Variants in XKR6 observed in about 807,000 individuals in gnomAD.
The protein encoded by XKR6 is XK-related protein 6.
In XKR6, 22 loss-of-function variants were observed where a neutral mutation model predicts 56.7. The ratio of observed to expected loss-of-function variants is 0.39; its 90% CI spans 0.28 to 0.55. The LOEUF (loss-of-function observed/expected upper bound fraction) is 0.55, where lower values mean the gene tolerates loss of function less well. Among genes scored for constraint, XKR6 ranks in the 20% least tolerant of loss-of-function variants. The pLI is 0.66. For synonymous variants in XKR6, 524 were observed against 387.8 expected, an observed-to-expected ratio of 1.35 and a Z score of -4.13; for missense variants, 852 against 889.0, an observed-to-expected ratio of 0.96 and a Z score of 0.53.
rs75837968 is a variant in XKR6, at chr8:11,187,355, A to G, written c.764+13221T>C. ...AAACACTATAGGATATCTCCCAAAC[A>G]AGAACTTCCCAATGCAACTGAAACT... On this transcript the variant is annotated intron_variant, in intron 1 of 2. Coordinates refer to ENST00000416569, the MANE Select transcript of XKR6 (RefSeq NM_173683.4). Among the ~76,000 whole-genome samples, 1,489 of 152,286 alleles carry G rather than the reference A, an allele frequency of 9.8e-3. 21 individuals are homozygous for G. The highest frequency in any genetic ancestry group is 0.033 in the East Asian group (169 of 5,170).
At chr8:11,171,505 AT>A (rs1270086455) in intron 1 of XKR6, among the ~76,000 whole-genome samples, 1 of 152,156 alleles carries the variant, frequency 6.6e-6, no homozygotes, top group African/African-American at 2.4e-5. Context: ...TCATGAATAG[AT>A]TCATTCCCTT....
chr8:10,945,951 G>A, intron 1 of XKR6, among the ~76,000 whole-genome samples: 1 of 151,994 alleles, frequency 6.6e-6, no homozygotes, highest in Non-Finnish European at 1.5e-5. Flanking sequence ...GTGAATATGG[G>A]GACTATATTT....
chr8:11,121,012 C>T (rs189728646), intron 1 of XKR6, among the ~76,000 whole-genome samples: 5 of 152,258 alleles, frequency 3.3e-5, no homozygotes, highest in African/African-American at 9.6e-5. Context: ...GGATCCCTTC[C>T]TTACACCTTA....
At chr8:10,956,164 G>C (rs949465402) in intron 1 of XKR6, among the ~76,000 whole-genome samples, 5 of 151,226 alleles carry the variant, frequency 3.3e-5, no homozygotes, top group African/African-American at 1.2e-4. Flanking sequence ...CTGCCAGGAG[G>C]AAGTAGGCAG....
At chr8:11,173,921 G>C (rs1317950884) in intron 1 of XKR6, among the ~76,000 whole-genome samples, 2 of 152,192 alleles carry the variant, frequency 1.3e-5, no homozygotes, top group African/African-American at 2.4e-5. Context: ...AAAGAGGGAA[G>C]AACATGACAA....
intron 1 of XKR6, among the ~76,000 whole-genome samples, chr8:11,138,899 T>C (rs1346736007): frequency 6.6e-6 from 1 of 150,720 alleles, no homozygotes; most frequent in Non-Finnish European, 1.5e-5. Context: ...AATGAAGTTA[T>C]CTGGGCCATT....
intron 2 of XKR6, among the ~76,000 whole-genome samples, chr8:10,912,924 T>C (rs1800450231): frequency 1.3e-5 from 2 of 150,662 alleles, no homozygotes; most frequent in Non-Finnish European, 3.0e-5. Flanking sequence ...TATATCTATA[T>C]GTAGAGAGTG....
chr8:10,966,673 CA>C, intron 1 of XKR6, among the ~76,000 whole-genome samples: 2 of 152,088 alleles, frequency 1.3e-5, no homozygotes, highest in East Asian at 3.9e-4. Flanking sequence ...GACTCTGTCT[CA>C]AAAATAAATA....
chr8:11,026,207 C>A (rs1000116925), intron 1 of XKR6, among the ~76,000 whole-genome samples: 2 of 152,024 alleles, frequency 1.3e-5, no homozygotes, highest in African/African-American at 4.8e-5. Flanking sequence ...GTCTAGCCTA[C>A]TACACACTTA....
chr8:11,141,981 A>C (rs760051563), intron 1 of XKR6, among the ~76,000 whole-genome samples: 11 of 151,754 alleles, frequency 7.2e-5, no homozygotes, highest in Non-Finnish European at 1.6e-4. Context: ...CAAGCTGGAC[A>C]CATAAGATTT....
chr8:11,066,618 C>T (rs888008351), intron 1 of XKR6, among the ~76,000 whole-genome samples: 2 of 152,202 alleles, frequency 1.3e-5, no homozygotes, highest in Non-Finnish European at 2.9e-5. Flanking sequence ...GACCAGCTCA[C>T]GAGGCCAGTC....
intron 1 of XKR6, among the ~76,000 whole-genome samples, chr8:11,019,876 G>A (rs548882078): frequency 2.0e-5 from 3 of 152,306 alleles, no homozygotes; most frequent in Non-Finnish European, 2.9e-5. Flanking sequence ...AGAGAAATCC[G>A]ATCAGAGGTT....
At chr8:11,012,616 C>G (rs924614539) in intron 1 of XKR6, among the ~76,000 whole-genome samples, 9 of 142,084 alleles carry the variant, frequency 6.3e-5, no homozygotes, top group African/African-American at 2.0e-4. Context: ...AGAAAAAGTG[C>G]CCCCCTCACC....
At position 10,995,485 on chromosome 8, in the gene XKR6, C is replaced by CATAT. The variant is rs35051294; in HGVS notation, c.765-70659_765-70656dup. Among the ~76,000 whole-genome samples the CATAT allele has an allele frequency of 2.5e-3, 362 of 143,836 alleles. 3 individuals are homozygous for CATAT. Among genetic ancestry groups the CATAT allele is most frequent in the African/African-American group, 7.7e-3 (300 of 39,160 alleles). The allele number at this position is 143,836 out of a possible 152,430, so 94.4% of individuals were successfully genotyped here. A position where few individuals can be genotyped will look rare whatever the true frequency, so the allele number is the denominator to read the frequency against. ...ATATAATACATATAAAACCCTATATCATATATATATATATACACACACACA... is the reference window on the plus strand; with the variant it reads ...ATATAATACATATAAAACCCTATATCATATATATATATATATATACACACACACA... On this transcript the variant is annotated intron_variant, in intron 1 of 2. Coordinates refer to ENST00000416569, the MANE Select transcript of XKR6 (RefSeq NM_173683.4).
chr8:10,995,038 C>T (rs1057362485), intron 1 of XKR6, among the ~76,000 whole-genome samples: 3 of 152,164 alleles, frequency 2.0e-5, no homozygotes, highest in Admixed American at 6.5e-5. Context: ...CCTCCTTGTA[C>T]GAACAGCATT....
chr8:11,100,727 A>G (rs575024653), intron 1 of XKR6, among the ~76,000 whole-genome samples: 25 of 152,342 alleles, frequency 1.6e-4, no homozygotes, highest in Admixed American at 1.5e-3. Flanking sequence ...TGATCTGCCT[A>G]ATTAGGCTAA....
chr8:11,071,707 A>T (rs1318469632), intron 1 of XKR6, among the ~76,000 whole-genome samples: 1 of 152,110 alleles, frequency 6.6e-6, no homozygotes, highest in Non-Finnish European at 1.5e-5. Flanking sequence ...CCCCGAGTCT[A>T]TGAGCCCCAA....
At chr8:11,175,930 T>C (rs574305038) in intron 1 of XKR6, among the ~76,000 whole-genome samples, 30 of 152,284 alleles carry the variant, frequency 2.0e-4, no homozygotes, top group Non-Finnish European at 2.8e-4. Flanking sequence ...ACTTTGGTCT[T>C]CTCAAAAGAA....
In XKR6 at chr8:11,186,153, T is replaced by A. The variant is rs542564548; in HGVS notation, c.764+14423A>T. ...CTCTGCAATCAATAGCATTTTTTTTTATACATACACACACATAGACACATT... is the reference window on the plus strand; with the variant it reads ...CTCTGCAATCAATAGCATTTTTTTTAATACATACACACACATAGACACATT... On this transcript the variant is annotated intron_variant, in intron 1 of 2. Coordinates refer to ENST00000416569, the MANE Select transcript of XKR6 (RefSeq NM_173683.4). Among the ~76,000 whole-genome samples, 6 of 152,210 alleles carry A rather than the reference T, an allele frequency of 3.9e-5. No individual in the cohort carries two copies. In the South Asian group the frequency reaches 6.2e-4, roughly 16 times the overall value.
Sources: allele counts gnomAD v4.1 joint callset (sites outside exome capture counted in the v4.1 genomes callset), GRCh38; gene constraint gnomAD v4.1.1; transcripts MANE v1.5; gene names NCBI Gene and HGNC (gene_info 2026-07-23, HGNC 2026-07-21).